CAMTA1: variants seen among roughly 807,000 people sequenced by gnomAD.
CAMTA1 encodes the protein calmodulin-binding transcription activator 1.
Under a neutral mutation model 170.9 loss-of-function variants are expected in CAMTA1, and 27 were observed. The ratio of observed to expected loss-of-function variants is 0.16; its 90% CI spans 0.12 to 0.22. The LOEUF (loss-of-function observed/expected upper bound fraction) is 0.22, where lower values mean the gene tolerates loss of function less well. Among genes scored for constraint, CAMTA1 ranks in the 10% least tolerant of loss-of-function variants. The pLI is 1.00. For missense variants in CAMTA1, 1,619 were observed against 2,217.2 expected (o/e 0.73, Z 5.42); for synonymous variants, 833 against 891.5 (o/e 0.93, Z 1.17).
intron 4 of CAMTA1, among the ~76,000 whole-genome samples, chr1:7,211,912 A>G (rs939155172): frequency 5.8e-4 from 88 of 152,222 alleles, no homozygotes; most frequent in African/African-American, 1.4e-3. Context: ...GATGATACCA[A>G]TTCTAGTCCA....
In CAMTA1 at chr1:7,186,732, C is replaced by A. The variant is rs74051174; in HGVS notation, c.303-62759C>A. 2.2e-3 allele frequency among the ~76,000 whole-genome samples: 339 copies of A among 152,288 alleles called. 3 individuals are homozygous for A. Among genetic ancestry groups the A allele is most frequent in the African/African-American group, 7.6e-3 (314 of 41,556 alleles). On this transcript the variant is annotated intron_variant, in intron 4 of 22. Coordinates refer to ENST00000303635, the MANE Select transcript of CAMTA1 (RefSeq NM_015215.4). ...ATTTAATTTATTCACGCATTAACATCTTTATTGAAAACTATGTGCCAGGCA... is the reference window on the plus strand; with the variant it reads ...ATTTAATTTATTCACGCATTAACATATTTATTGAAAACTATGTGCCAGGCA...
At chr1:7,663,029 T>C (rs1469358140) in intron 8 of CAMTA1, among the ~76,000 whole-genome samples, 1 of 152,200 alleles carries the variant, frequency 6.6e-6, no homozygotes, top group African/African-American at 2.4e-5. Context: ...GAGGGGACTT[T>C]CCTGGGTGTT....
chr1:7,549,551 A>G (rs2094770593), intron 6 of CAMTA1, among the ~76,000 whole-genome samples: 1 of 152,140 alleles, frequency 6.6e-6, no homozygotes, highest in Admixed American at 6.5e-5. Flanking sequence ...CTACTTGTGG[A>G]AAAAGTGCTT....
intron 5 of CAMTA1, among the ~76,000 whole-genome samples, chr1:7,270,232 CACATAT>C (rs1669517528): frequency 2.5e-5 from 2 of 78,848 alleles, no homozygotes; most frequent in African/African-American, 1.5e-4. Context: ...CATATATATA[CACATAT>C]ATACATACAC....
chr1:7,557,236 A>AC (rs1299486531), intron 6 of CAMTA1, among the ~76,000 whole-genome samples: 2 of 151,630 alleles, frequency 1.3e-5, no homozygotes, highest in African/African-American at 4.9e-5. Context: ...TGAACCAGGG[A>AC]CGTGGAGGTT....
chr1:7,523,297 G>A (rs1575785555), intron 6 of CAMTA1, among the ~76,000 whole-genome samples: 1 of 152,144 alleles, frequency 6.6e-6, no homozygotes. Flanking sequence ...GCCTGTTTTA[G>A]CTATTCTATT....
chr1:7,038,598 C>G (rs1703978242), intron 3 of CAMTA1, among the ~76,000 whole-genome samples: 1 of 152,196 alleles, frequency 6.6e-6, no homozygotes, highest in African/African-American at 2.4e-5. Flanking sequence ...TATTTTGATT[C>G]ATTTCAGGAA....
At position 7,733,987 on chromosome 1, in the gene CAMTA1, C is replaced by T. The variant is rs116124772; in HGVS notation, c.3066+1388C>T. The stretch of plus-strand genomic sequence containing the variant: ...TTTTTGACACGAAGTCTTGCTCTGT[C>T]GCCCAGGTGCAGTGCAGTGACACAA... On this transcript the variant is annotated intron_variant, in intron 12 of 22. Transcript: ENST00000303635. 8.9e-3 allele frequency among the ~76,000 whole-genome samples: 1,358 copies of T among 152,198 alleles called. 10 individuals are homozygous for T. Among genetic ancestry groups the T allele is most frequent in the Non-Finnish European group, 0.015 (1,042 of 68,004 alleles).
intron 4 of CAMTA1, among the ~76,000 whole-genome samples, chr1:7,232,281 T>C (rs1479868166): frequency 2.6e-4 from 1 of 3,816 alleles, no homozygotes; most frequent in Non-Finnish European, 4.2e-4. Context: ...GTGGCTGTGC[T>C]GCACACGGCT....
chr1:7,701,239 T>C (rs1335948708), intron 11 of CAMTA1, among the ~76,000 whole-genome samples: 1 of 152,190 alleles, frequency 6.6e-6, no homozygotes, highest in Non-Finnish European at 1.5e-5. Context: ...CTATGGAATA[T>C]CCTGCTTGCA....
chr1:7,088,620 T>C (rs868158465), intron 3 of CAMTA1, among the ~76,000 whole-genome samples: 1 of 152,168 alleles, frequency 6.6e-6, no homozygotes, highest in Admixed American at 6.5e-5. Flanking sequence ...GGGGTGAGCG[T>C]TGGCTGAAGG....
intron 5 of CAMTA1, among the ~76,000 whole-genome samples, chr1:7,465,136 C>G (rs931251035): frequency 8.5e-5 from 13 of 152,190 alleles, no homozygotes; most frequent in African/African-American, 3.1e-4. Flanking sequence ...TAAACATTGA[C>G]CGTCTCTGGA....
At position 7,065,840 on chromosome 1, in the gene CAMTA1, T is replaced by C. The variant is rs1377544132; in HGVS notation, c.235-25464T>C. Among the ~76,000 whole-genome samples, 1 of 152,210 alleles carries C rather than the reference T, an allele frequency of 6.6e-6. No individual in the cohort carries two copies. The highest frequency in any genetic ancestry group is 2.4e-5 in the African/African-American group (1 of 41,460). On this transcript the variant is annotated intron_variant, in intron 3 of 22. Coordinates refer to ENST00000303635, the MANE Select transcript of CAMTA1 (RefSeq NM_015215.4). This position sits in a 1 kb window ranked among gnomAD's most constrained non-coding sequence, Gnocchi z 5.2. ...GAGCAAGTGGCCTTTAAGGCATGTT[T>C]ATCTATTCCCTTACATTGTGAAAGA...
chr1:6,895,976 T>C (rs1208960069), intron 3 of CAMTA1, among the ~76,000 whole-genome samples: 1 of 152,134 alleles, frequency 6.6e-6, no homozygotes, highest in African/African-American at 2.4e-5. Flanking sequence ...ATGTTCTGAG[T>C]AGTTAGATGT....
At chr1:7,350,433 T>C (rs2084577014) in intron 5 of CAMTA1, among the ~76,000 whole-genome samples, 1 of 152,166 alleles carries the variant, frequency 6.6e-6, no homozygotes, top group Non-Finnish European at 1.5e-5. Flanking sequence ...GGTGTTACCT[T>C]TTATTTTGTT....
intron 11 of CAMTA1, among the ~76,000 whole-genome samples, chr1:7,718,853 CTTT>C (rs1380463151): frequency 7.4e-6 from 1 of 134,560 alleles, no homozygotes; most frequent in Non-Finnish European, 1.5e-5. Context: ...CCGGTCAGCC[CTTT>C]TTTTTTTTTT....
intron 5 of CAMTA1, among the ~76,000 whole-genome samples, chr1:7,445,939 A>G (rs1163806163): frequency 1.3e-5 from 2 of 152,108 alleles, no homozygotes; most frequent in Non-Finnish European, 2.9e-5. Context: ...CCTGGGTCCC[A>G]TCTGGGTGTG....
intron 5 of CAMTA1, among the ~76,000 whole-genome samples, chr1:7,379,105 G>C (rs1160314063): frequency 6.6e-6 from 1 of 152,116 alleles, no homozygotes; most frequent in Non-Finnish European, 1.5e-5. Flanking sequence ...TTGCCTGCAG[G>C]TCTGGCATTT....
At chr1:7,271,774 T>C (rs1216609339) in intron 5 of CAMTA1, among the ~76,000 whole-genome samples, 4 of 151,946 alleles carry the variant, frequency 2.6e-5, no homozygotes, top group African/African-American at 9.7e-5. Flanking sequence ...AAATCAGGAA[T>C]GAAAGGGAGA....
Sources: gnomAD v4.1 joint callset for allele counts (sites outside exome capture counted in the v4.1 genomes callset) on GRCh38, gnomAD v4.1.1 for gene constraint, Gnocchi (gnomAD v3.1) non-coding constraint, MANE v1.5 for transcripts, NCBI Gene and HGNC (gene_info 2026-07-23, HGNC 2026-07-21) for gene names.